Variants in NRXN1 observed in about 807,000 individuals in gnomAD.
NRXN1 encodes the protein neurexin 1, also known as neurexin-1.
NRXN1 carries 39 observed loss-of-function variants against 150.9 expected under a neutral mutation model. The ratio of observed to expected loss-of-function variants is 0.26; its 90% CI spans 0.20 to 0.34. The LOEUF (loss-of-function observed/expected upper bound fraction) is 0.34, where lower values mean the gene tolerates loss of function less well. Ranked by LOEUF, NRXN1 falls within the 10% of genes least tolerant of loss-of-function variation. The pLI, the probability that NRXN1 is intolerant of heterozygous loss-of-function variation, is 1.00. For missense variants in NRXN1, 1,815 were observed against 1,949.9 expected (o/e 0.93, Z 1.30); for synonymous variants, 924 against 757.0 (o/e 1.22, Z -3.62).
At chr2:50,923,731 T>C (rs186434173) in intron 3 of NRXN1, among the ~76,000 whole-genome samples, 133 of 151,966 alleles carry the variant, frequency 8.8e-4, no homozygotes, top group Admixed American at 3.0e-3. Context: ...TAAACTTGTA[T>C]TTTCAATTTC....
chr2:50,446,235 G>T (rs2086390693), intron 17 of NRXN1, among the ~76,000 whole-genome samples: 1 of 152,042 alleles, frequency 6.6e-6, no homozygotes, highest in Non-Finnish European at 1.5e-5. Context: ...TTACATTTTT[G>T]TAATATATAA....
rs1331901016 is a variant in NRXN1 at position 50,924,622 on chromosome 2, A to C, written c.790+1316T>G. On this transcript the variant is annotated intron_variant, in intron 3 of 22. Coordinates refer to ENST00000401669, the MANE Select transcript of NRXN1 (RefSeq NM_001330078.2). ...TATTAGGCCTGCAGGGTAATATATC[A>C]TTTTTATCAAGTATATACTCACATG... Among the ~76,000 whole-genome samples the C allele has an allele frequency of 1.1e-4, 16 of 151,862 alleles. No homozygotes were observed. In the East Asian group the frequency reaches 3.1e-3, roughly 29 times the overall value.
intron 5 of NRXN1, among the ~76,000 whole-genome samples, chr2:50,685,791 T>A (rs938961079): frequency 6.6e-6 from 1 of 152,156 alleles, no homozygotes; most frequent in African/African-American, 2.4e-5. Flanking sequence ...TGATGCATCA[T>A]CTTTGCATCA....
At chr2:50,902,995 GTATT>G (rs1683162129) in intron 5 of NRXN1, among the ~76,000 whole-genome samples, 1 of 152,030 alleles carries the variant, frequency 6.6e-6, no homozygotes, top group African/African-American at 2.4e-5. Flanking sequence ...CCAAAAACAA[GTATT>G]TATGAATAAA....
At chr2:50,708,309 A>G (rs1215910905) in intron 5 of NRXN1, among the ~76,000 whole-genome samples, 1 of 152,184 alleles carries the variant, frequency 6.6e-6, no homozygotes, top group East Asian at 1.9e-4. Context: ...TTATCATAGA[A>G]ACTGTAACTA....
intron 17 of NRXN1, among the ~76,000 whole-genome samples, chr2:50,377,494 C>T (rs1386160533): frequency 6.6e-6 from 1 of 152,114 alleles, no homozygotes; most frequent in East Asian, 1.9e-4. Flanking sequence ...TTTATTTAAT[C>T]TATCATTGAT....
chr2:50,655,330 G>C (rs1518552), intron 5 of NRXN1, among the ~76,000 whole-genome samples: 1 of 151,838 alleles, frequency 6.6e-6, no homozygotes, highest in African/African-American at 2.4e-5. Flanking sequence ...ATTTTTGCCT[G>C]CCCTTCAAAA....
At chr2:49,940,456 G>A (rs1671786912) in intron 22 of NRXN1, among the ~76,000 whole-genome samples, 2 of 152,124 alleles carry the variant, frequency 1.3e-5, no homozygotes, top group Admixed American at 1.3e-4. Context: ...TTGCATTCAA[G>A]ATGGATTGCA....
chr2:50,153,192 G>T (rs1315666667), intron 18 of NRXN1, among the ~76,000 whole-genome samples: 1 of 151,406 alleles, frequency 6.6e-6, no homozygotes, highest in African/African-American at 2.4e-5. Flanking sequence ...CAATTTTTAA[G>T]ATTTTCTACG....
chr2:50,219,071 G>T (rs191531397), intron 18 of NRXN1, among the ~76,000 whole-genome samples: 4 of 151,702 alleles, frequency 2.6e-5, no homozygotes, highest in African/African-American at 4.8e-5. Flanking sequence ...AATAGTTATC[G>T]TACTTCAAAG....
Position 49,940,151 on chromosome 2 carries a change from G to C in NRXN1, c.4216+3553C>G, listed in dbSNP as rs1275201992. On this transcript the variant is annotated intron_variant, in intron 22 of 22. Coordinates refer to ENST00000401669, the MANE Select transcript of NRXN1 (RefSeq NM_001330078.2). ...TAGAAAACTCATGAGTAAATACTTA[G>C]GGAGAGTGAGGTACTCAGAAGATTT... is the stretch of plus-strand genomic sequence containing the variant. Among the ~76,000 whole-genome samples the C allele has an allele frequency of 2.6e-5, 4 of 152,094 alleles. No individual in the cohort carries two copies. In the East Asian group the frequency reaches 7.7e-4, roughly 29 times the overall value.
At chr2:50,680,071 C>T (rs1690154394) in intron 5 of NRXN1, among the ~76,000 whole-genome samples, 1 of 151,996 alleles carries the variant, frequency 6.6e-6, no homozygotes, top group South Asian at 2.1e-4. Flanking sequence ...ATTGTTTGAG[C>T]CTAGGAGGTT....
intron 18 of NRXN1, among the ~76,000 whole-genome samples, chr2:50,149,549 G>A (rs2678228): frequency 1.3e-5 from 2 of 151,332 alleles, no homozygotes; most frequent in East Asian, 1.9e-4. Context: ...AAAATAATTC[G>A]AATTCATTCT....
At chr2:50,466,521 T>C (rs554673282) in intron 16 of NRXN1, 72 of 461,430 alleles carry the variant, frequency 1.6e-4, no homozygotes, top group Middle Eastern at 4.2e-4. Flanking sequence ...AAGCAAAATA[T>C]ATTAAATGTT....
At position 50,355,243 on chromosome 2, in the gene NRXN1, T is replaced by TTA. The variant is rs1468743103; in HGVS notation, c.3364+110197_3364+110198dup. Among the ~76,000 whole-genome samples the TTA allele has an allele frequency of 2.1e-3, 311 of 146,170 alleles. 2 individuals carry two copies. The highest frequency in any genetic ancestry group is 7.3e-3 in the African/African-American group (291 of 39,686). ...AATTCAGAAATTCAGGATATATAAA[T>TTA]TATATATATATACATATATATACAC... On this transcript the variant is annotated intron_variant, in intron 17 of 22. Transcript: ENST00000401669.
intron 18 of NRXN1, among the ~76,000 whole-genome samples, chr2:50,189,028 A>G (rs2061275466): frequency 6.6e-6 from 1 of 152,198 alleles, no homozygotes; most frequent in Non-Finnish European, 1.5e-5. Context: ...TATATACCCA[A>G]AGGATTATAA....
At chr2:50,755,454 G>A (rs1398279980) in intron 5 of NRXN1, among the ~76,000 whole-genome samples, 1 of 151,684 alleles carries the variant, frequency 6.6e-6, no homozygotes, top group Non-Finnish European at 1.5e-5. Context: ...AAAGCACCAA[G>A]CTCCTTCCCA....
At chr2:50,722,909 T>C (rs983812339) in intron 5 of NRXN1, among the ~76,000 whole-genome samples, 1 of 152,180 alleles carries the variant, frequency 6.6e-6, no homozygotes, top group Non-Finnish European at 1.5e-5. Flanking sequence ...ATGCCAGATG[T>C]GGGATCTTGC....
chr2:50,757,497 C>T (rs1178640797), intron 5 of NRXN1, among the ~76,000 whole-genome samples: 1 of 151,738 alleles, frequency 6.6e-6, no homozygotes, highest in Non-Finnish European at 1.5e-5. Context: ...ATGAAAATAT[C>T]CCATGGATCC....
Sources: gnomAD v4.1 joint callset for allele counts (sites outside exome capture counted in the v4.1 genomes callset) on GRCh38, gnomAD v4.1.1 for gene constraint, MANE v1.5 for transcripts, NCBI Gene and HGNC (gene_info 2026-07-23, HGNC 2026-07-21) for gene names.